The following ERICH6 variants were observed in gnomAD, a reference collection of about 807,000 sequenced individuals.
ERICH6 encodes the protein glutamate-rich protein 6.
ERICH6 carries 71 observed loss-of-function variants against 71.0 expected under a neutral mutation model. The observed-to-expected ratio is 1.00, with a 90% CI of 0.83 to 1.22. The LOEUF is 1.22. Among genes scored for constraint, ERICH6 ranks in the 50% most tolerant of loss-of-function variants. ERICH6 has a pLI of 0.00. For synonymous variants in ERICH6, 262 were observed against 278.4 expected, an observed-to-expected ratio of 0.94 and a Z score of 0.59; for missense variants, 808 against 797.2, an observed-to-expected ratio of 1.01 and a Z score of -0.16.
intron 3 of ERICH6, among the ~76,000 whole-genome samples, chr3:150,692,379 AACC>A (rs1712484379): frequency 6.6e-6 from 1 of 152,148 alleles, no homozygotes; most frequent in Non-Finnish European, 1.5e-5. Flanking sequence ...ATTTTACAAT[AACC>A]TGTGATCCTA....
intron 3 of ERICH6, among the ~76,000 whole-genome samples, chr3:150,698,177 C>T (rs567825855): frequency 1.3e-5 from 2 of 152,218 alleles, no homozygotes; most frequent in Admixed American, 1.3e-4. Flanking sequence ...GATTTATTCT[C>T]TATATTGTTG....
At position 150,702,107 on chromosome 3, in the gene ERICH6, A is replaced by G. The variant is rs142991471; in HGVS notation, c.461+14T>C. On this transcript the variant is annotated intron_variant, in intron 2 of 13. Coordinates refer to ENST00000295910, the MANE Select transcript of ERICH6 (RefSeq NM_152394.5). ...TGGGTTCAAAAAATGTGAAATTTGAAAACATTTTCTTACCTATCTATACTC... is the reference window on the plus strand; with the variant it reads ...TGGGTTCAAAAAATGTGAAATTTGAGAACATTTTCTTACCTATCTATACTC... 1.3e-6 allele frequency: 2 copies of G among 1,519,268 alleles called. No homozygotes were observed. Among genetic ancestry groups the G allele is most frequent in the African/African-American group, 2.8e-5 (2 of 72,388 alleles). The allele number at this position is 1,519,268 out of a possible 1,614,324, so 94.1% of individuals were successfully genotyped here.
intron 9 of ERICH6, among the ~76,000 whole-genome samples, chr3:150,679,952 C>T (rs1711833535): frequency 1.3e-5 from 2 of 152,226 alleles, no homozygotes; most frequent in African/African-American, 4.8e-5. Context: ...GCCACCGCGC[C>T]CAGCCAAGTT....
At chr3:150,701,444 T>G (rs750741948) in intron 2 of ERICH6, among the ~76,000 whole-genome samples, 1 of 152,238 alleles carries the variant, frequency 6.6e-6, no homozygotes, top group Non-Finnish European at 1.5e-5. Context: ...TTTTCATTTT[T>G]ATACCTTTGT....
chr3:150,666,469 A>C (rs1727418374), intron 13 of ERICH6, among the ~76,000 whole-genome samples: 1 of 152,212 alleles, frequency 6.6e-6, no homozygotes, highest in Non-Finnish European at 1.5e-5. Flanking sequence ...TCTCTCTACC[A>C]TGGCGGGGAG....
At chr3:150,687,942 A>G (rs773489827) in intron 3 of ERICH6, among the ~76,000 whole-genome samples, 16 of 152,006 alleles carry the variant, frequency 1.1e-4, no homozygotes, top group Non-Finnish European at 1.5e-4. Flanking sequence ...AAATACTGAG[A>G]CCTGGTCTCT....
At position 150,703,532 on chromosome 3, in the gene ERICH6, TC is replaced by T. The variant is rs752520957; in HGVS notation, c.366del (p.Ser123AlafsTer28). 1.4e-5 allele frequency: 23 copies of T among 1,610,226 alleles called. No homozygotes were observed. The highest frequency in any genetic ancestry group is 1.9e-5 in the Non-Finnish European group (22 of 1,178,244). On this transcript the variant is annotated frameshift_variant, in exon 1 of 14. Transcript: ENST00000295910. LOFTEE classifies it high-confidence loss of function. ...PSQSATSTET[P>X]SASPPSSTSS... is the part of the protein sequence containing the mutation. ...GAGGTGCTGGAGGGTGGGCTTGCGC[TC>T]GGCGTTTCAGTGCTGGTCGCGCTCT...
At chr3:150,693,488 G>C (rs1353063823) in intron 3 of ERICH6, among the ~76,000 whole-genome samples, 1 of 152,210 alleles carries the variant, frequency 6.6e-6, no homozygotes, top group Non-Finnish European at 1.5e-5. Flanking sequence ...CAAGAGGAGA[G>C]AGGATCACCC....
chr3:150,664,543 A>G (rs1446171397), intron 13 of ERICH6, among the ~76,000 whole-genome samples: 1 of 152,044 alleles, frequency 6.6e-6, no homozygotes, highest in Non-Finnish European at 1.5e-5. Context: ...GCTACTCAGG[A>G]GGCTGAGGCA....
Position 150,673,904 on chromosome 3 carries a change from C to CT in ERICH6, c.1343+51dup, listed in dbSNP as rs200794483. Reference sequence around the variant, plus strand: ...CCATGTATTTCCTTCCTTGAGCTTTCTTTTTTTTGAAGTAATAAAGCTAAT... The same window carrying CT: ...CCATGTATTTCCTTCCTTGAGCTTTCTTTTTTTTTGAAGTAATAAAGCTAAT... On this transcript the variant is annotated intron_variant, in intron 11 of 13. Coordinates refer to ENST00000295910, the MANE Select transcript of ERICH6 (RefSeq NM_152394.5). The CT allele has an allele frequency of 6.3e-3, 9,806 of 1,552,020 alleles. 33 individuals carry two copies. Among genetic ancestry groups the CT allele is most frequent in the Non-Finnish European group, 8.1e-3 (9,174 of 1,129,126 alleles).
chr3:150,684,721 C>T (rs762925309), intron 6 of ERICH6, among the ~76,000 whole-genome samples: 1 of 152,152 alleles, frequency 6.6e-6, no homozygotes, highest in African/African-American at 2.4e-5. Context: ...AGGCATTAAT[C>T]GGTCACTTCA....
At chr3:150,678,364 T>C (rs113703460) in intron 10 of ERICH6, 45 bp downstream of exon 10, 22,907 of 1,522,680 alleles carry the variant, frequency 0.015, 201 homozygotes, top group Non-Finnish European at 0.018. Flanking sequence ...TAGGTAAAAC[T>C]GGTTTTTTTT....
At chr3:150,699,480 A>T (rs562391433) in intron 2 of ERICH6, among the ~76,000 whole-genome samples, 1 of 152,314 alleles carries the variant, frequency 6.6e-6, no homozygotes, top group East Asian at 1.9e-4. Flanking sequence ...AGACTCTCCT[A>T]TGCAAGCTCT....
intron 13 of ERICH6, among the ~76,000 whole-genome samples, chr3:150,664,477 C>T (rs1238285744): frequency 2.0e-5 from 3 of 151,748 alleles, no homozygotes; most frequent in South Asian, 2.1e-4. Context: ...GGTGAAACCC[C>T]GCCTCTACTA....
Position 150,692,720 on chromosome 3 carries a change from G to A in ERICH6, c.553+6071C>T, listed in dbSNP as rs148107022. Among the ~76,000 whole-genome samples the A allele has an allele frequency of 7.6e-3, 1,156 of 152,218 alleles. 18 individuals carry two copies. The highest frequency in any genetic ancestry group is 0.026 in the African/African-American group (1,073 of 41,530). On this transcript the variant is annotated intron_variant, in intron 3 of 13. Coordinates refer to ENST00000295910, the MANE Select transcript of ERICH6 (RefSeq NM_152394.5). ...TTATGTTAAATTATTGTGTACCACA[G>A]AGGTAACAAATTTTCTTGTCAATTG...
chr3:150,675,823 T>A (rs1280504286), intron 10 of ERICH6, among the ~76,000 whole-genome samples: 4 of 151,804 alleles, frequency 2.6e-5, no homozygotes, highest in African/African-American at 9.7e-5. Context: ...GAACTTTTTT[T>A]CCTCTGCTAC....
At chr3:150,683,973 G>A (rs1712076744) in intron 6 of ERICH6, among the ~76,000 whole-genome samples, 3 of 152,204 alleles carry the variant, frequency 2.0e-5, no homozygotes, top group Non-Finnish European at 2.9e-5. Context: ...GGGAGAAGCC[G>A]CAAGGCCTTC....
At chr3:150,687,072 C>T (rs1326876699) in intron 3 of ERICH6, among the ~76,000 whole-genome samples, 1 of 152,162 alleles carries the variant, frequency 6.6e-6, no homozygotes, top group African/African-American at 2.4e-5. Flanking sequence ...GCAGAGGCTG[C>T]AGTGGGCCAA....
At chr3:150,699,246 G>A (rs557820212) in intron 2 of ERICH6, among the ~76,000 whole-genome samples, 1 of 152,328 alleles carries the variant, frequency 6.6e-6, no homozygotes. Flanking sequence ...AGGAAGTGGA[G>A]GCTGCAGTGA....
Sources: allele counts gnomAD v4.1 joint callset (sites outside exome capture counted in the v4.1 genomes callset), GRCh38; gene constraint gnomAD v4.1.1; transcripts MANE v1.5; gene names NCBI Gene and HGNC (gene_info 2026-07-23, HGNC 2026-07-21).